PTPRT: variants seen among roughly 807,000 people sequenced by gnomAD.
PTPRT encodes the protein protein tyrosine phosphatase receptor type T, also known as receptor-type tyrosine-protein phosphatase T.
Under a neutral mutation model 176.8 loss-of-function variants are expected in PTPRT, and 56 were observed. The observed-to-expected ratio is 0.32, with a 90% confidence interval of 0.26 to 0.40. PTPRT has a LOEUF of 0.40. Ranked by LOEUF, PTPRT falls within the 10% of genes least tolerant of loss-of-function variation. The pLI is 1.00. For synonymous variants in PTPRT, 783 were observed against 739.0 expected (o/e 1.06, Z -0.96); for missense variants, 1,540 against 1,908.2 (o/e 0.81, Z 3.60).
Position 42,128,884 on chromosome 20 carries a change from A to G in PTPRT, c.2771-54T>C, listed in dbSNP as rs1987991401. The G allele has an allele frequency of 4.1e-6, 6 of 1,446,094 alleles. No individual in the cohort carries two copies. In the Admixed American group the frequency reaches 1.1e-4, roughly 28 times the overall value. 89.6% of individuals were successfully genotyped at this position (1,446,094 alleles called of 1,614,324 possible). Reference sequence around the variant, plus strand: ...GGTTGATAAGAGGCCTTACGCAGCTAATGTCCTCCTTTAGAACTACTGTTT... The same window carrying G: ...GGTTGATAAGAGGCCTTACGCAGCTGATGTCCTCCTTTAGAACTACTGTTT... On this transcript the variant is annotated intron_variant, in intron 18 of 30. Coordinates refer to ENST00000373187, the MANE Select transcript of PTPRT (RefSeq NM_007050.6).
At chr20:42,377,680 C>A (rs763075804) in intron 9 of PTPRT, among the ~76,000 whole-genome samples, 3 of 152,190 alleles carry the variant, frequency 2.0e-5, no homozygotes, top group Non-Finnish European at 4.4e-5. Flanking sequence ...ACGACCTCAA[C>A]CTAAAATCCT....
chr20:42,900,351 A>G (rs1043962124), intron 1 of PTPRT, among the ~76,000 whole-genome samples: 1 of 152,168 alleles, frequency 6.6e-6, no homozygotes, highest in Admixed American at 6.5e-5. Flanking sequence ...TTCAGGTGCT[A>G]TCTCTTGAGT....
chr20:42,386,707 A>C (rs1314021619), intron 9 of PTPRT, among the ~76,000 whole-genome samples: 1 of 152,132 alleles, frequency 6.6e-6, no homozygotes, highest in Non-Finnish European at 1.5e-5. Context: ...CTAAAAATAC[A>C]AAAATTATCT....
At chr20:42,369,525 C>T (rs1236722171) in intron 9 of PTPRT, among the ~76,000 whole-genome samples, 1 of 152,120 alleles carries the variant, frequency 6.6e-6, no homozygotes, top group Non-Finnish European at 1.5e-5. Flanking sequence ...TATTCAATTG[C>T]TAAGAGGGCT....
intron 6 of PTPRT, among the ~76,000 whole-genome samples, chr20:42,711,335 T>A (rs1368728237): frequency 6.7e-6 from 1 of 148,936 alleles, no homozygotes; most frequent in African/African-American, 2.6e-5. Context: ...ATCCCCAGTG[T>A]GGGAGGTGGG....
intron 2 of PTPRT, among the ~76,000 whole-genome samples, chr20:42,873,380 G>A (rs1400858788): frequency 6.6e-6 from 1 of 152,178 alleles, no homozygotes; most frequent in Non-Finnish European, 1.5e-5. Context: ...AGGCTTTAAA[G>A]CACCTGGCAC....
chr20:42,644,789 T>A (rs187526413), intron 7 of PTPRT, among the ~76,000 whole-genome samples: 55 of 152,276 alleles, frequency 3.6e-4, no homozygotes, highest in Admixed American at 1.1e-3. Context: ...TGATCAGCAA[T>A]TCATTTACAT....
chr20:42,558,173 T>C (rs940112189), intron 7 of PTPRT, among the ~76,000 whole-genome samples: 1 of 152,142 alleles, frequency 6.6e-6, no homozygotes, highest in African/African-American at 2.4e-5. Flanking sequence ...CCAGTGTGTG[T>C]TGTTCCCCTC....
chr20:43,188,648 G>T (rs2015454696), intron 1 of PTPRT, among the ~76,000 whole-genome samples: 1 of 151,408 alleles, frequency 6.6e-6, no homozygotes, highest in Non-Finnish European at 1.5e-5. Flanking sequence ...TCAGGCCGGC[G>T]TGGTTACACC....
In PTPRT at chr20:42,770,232, C is replaced by T. The variant is rs180817190; in HGVS notation, c.684+1203G>A. 2.8e-4 allele frequency among the ~76,000 whole-genome samples: 42 copies of T among 152,270 alleles called. 1 individual carries two copies. The highest frequency in any genetic ancestry group is 9.9e-4 in the African/African-American group (41 of 41,558). ...CCGCCTCCTGGGTTCAAGTGATTCT[C>T]CTGCCTCAGCCTCCCAAGTAGCTGG... On this transcript the variant is annotated intron_variant, in intron 5 of 30. Coordinates refer to ENST00000373187, the MANE Select transcript of PTPRT (RefSeq NM_007050.6).
chr20:42,452,834 C>T (rs2070855403), intron 8 of PTPRT, among the ~76,000 whole-genome samples: 1 of 152,076 alleles, frequency 6.6e-6, no homozygotes, highest in South Asian at 2.1e-4. Flanking sequence ...CTTTTTACAC[C>T]TTACACGTTA....
At chr20:42,552,389 A>G (rs561819546) in intron 7 of PTPRT, among the ~76,000 whole-genome samples, 1 of 152,280 alleles carries the variant, frequency 6.6e-6, no homozygotes, top group Admixed American at 6.5e-5. Flanking sequence ...CAGCAGAACA[A>G]TGTTACATTA....
intron 13 of PTPRT, among the ~76,000 whole-genome samples, chr20:42,267,499 C>T (rs1194034525): frequency 1.3e-5 from 2 of 152,194 alleles, no homozygotes; most frequent in African/African-American, 4.8e-5. Flanking sequence ...TTTAAAATTA[C>T]ATACAATATT....
chr20:42,404,178 T>G (rs1021331203), intron 9 of PTPRT, among the ~76,000 whole-genome samples: 6 of 152,170 alleles, frequency 3.9e-5, no homozygotes, highest in Admixed American at 6.5e-5. Flanking sequence ...TGGTCATATG[T>G]TTGAGTTCTC....
At chr20:42,636,967 A>T (rs1184973161) in intron 7 of PTPRT, among the ~76,000 whole-genome samples, 1 of 152,014 alleles carries the variant, frequency 6.6e-6, no homozygotes, top group East Asian at 1.9e-4. Flanking sequence ...GAAATATAGC[A>T]CTCAAACCTT....
Position 42,079,239 on chromosome 20 carries a change from C to T in PTPRT, c.*1640G>A, listed in dbSNP as rs2866943. On this transcript the variant is annotated 3_prime_UTR_variant, in exon 31 of 31. Transcript: ENST00000373187. The stretch of plus-strand genomic sequence containing the variant: ...TTACTAAAATATATCTGAAATTCTG[C>T]GCTTCCCAGAAGAACTGGCATCAGG... The T allele has an allele frequency of 0.2, 42,232 of 208,086 alleles. 4,718 individuals carry two copies. Among genetic ancestry groups the T allele is most frequent in the Non-Finnish European group, 0.25 (25,191 of 102,058 alleles). The allele number at this position is 208,086 out of a possible 1,614,324, so 12.9% of individuals were successfully genotyped here. A position where few individuals can be genotyped will look rare whatever the true frequency, so the allele number is the denominator to read the frequency against.
chr20:42,311,737 T>C (rs1316507615), intron 12 of PTPRT, among the ~76,000 whole-genome samples: 1 of 152,112 alleles, frequency 6.6e-6, no homozygotes. Context: ...TCTTCTGGCT[T>C]TTTTTATAGT....
chr20:42,567,496 C>T (rs2073063558), intron 7 of PTPRT, among the ~76,000 whole-genome samples: 1 of 152,158 alleles, frequency 6.6e-6, no homozygotes, highest in South Asian at 2.1e-4. Flanking sequence ...GGGTGAGGTA[C>T]TGTACACTTT....
rs1247938829 is a variant in PTPRT, at chr20:42,184,038, C to T, written c.2491+15202G>A. On this transcript the variant is annotated intron_variant, in intron 16 of 30. Transcript: ENST00000373187. ...GGGTTGAATATGCAAATGAGGGAGGCATTTGGGCCTTCCATCCCTGACAGA... is the reference window on the plus strand; with the variant it reads ...GGGTTGAATATGCAAATGAGGGAGGTATTTGGGCCTTCCATCCCTGACAGA... Among the ~76,000 whole-genome samples the T allele has an allele frequency of 2.0e-5, 3 of 152,118 alleles. No individual in the cohort carries two copies. In the East Asian group the frequency reaches 5.8e-4, roughly 29 times the overall value.
Sources: gnomAD v4.1 joint callset for allele counts (sites outside exome capture counted in the v4.1 genomes callset) on GRCh38, gnomAD v4.1.1 for gene constraint, MANE v1.5 for transcripts, NCBI Gene and HGNC (gene_info 2026-07-23, HGNC 2026-07-21) for gene names.